Variants in APOB observed in about 807,000 individuals in gnomAD.
APOB encodes apolipoprotein B, also known as apolipoprotein B-100.
Under a neutral mutation model 314.1 loss-of-function variants are expected in APOB, and 153 were observed. That is an observed-to-expected ratio of 0.49 (90% CI 0.43 to 0.56). The LOEUF (loss-of-function observed/expected upper bound fraction) is 0.56. Among genes scored for constraint, APOB ranks in the 20% least tolerant of loss-of-function variants. The probability of loss-of-function intolerance (pLI) is 0.00; values close to 1 mark genes in which losing one functional copy is unlikely to be tolerated. For missense variants in APOB, 5,430 were observed against 5,350.7 expected (o/e 1.01, Z -0.46); for synonymous variants, 2,087 against 2,036.4 (o/e 1.02, Z -0.67).
rs1199666887 is a variant in APOB at position 21,022,918 on chromosome 2, C to T, written c.2729G>A (p.Gly910Asp). 3.1e-6 allele frequency: 5 copies of T among 1,614,170 alleles called. No individual in the cohort carries two copies. Among genetic ancestry groups the T allele is most frequent in the South Asian group, 2.2e-5 (2 of 91,076 alleles). The change falls in exon 18 of 29, where the codon GGT becomes GAT. Residue 910 changes from glycine to aspartate, a missense_variant. This residue lies in a region of APOB where 2,085 missense variants were observed against 2,079.7 expected (regional missense o/e 1.00). Transcript: ENST00000233242. ...QMNTNFFHES[G>D]LEAHVALKAG... ...TTTTAGGGCAACATGAGCCTCCAGA[C>T]CCGACTCGTGGAAGAAGTTGGTGTT...
Position 21,015,101 on chromosome 2 carries a change from A to G in APOB, c.3668T>C (p.Phe1223Ser). The change falls in exon 23 of 29, where the codon TTC (phenylalanine) becomes TCC (serine). Residue 1223 changes from phenylalanine to serine, a missense_variant. This residue lies in a region of APOB where 2,085 missense variants were observed against 2,079.7 expected (regional missense o/e 1.00). Transcript: ENST00000233242. ...TATTAATTTGGAACCCACGTGCCGG[A>G]AAGTCATGTCTGTTTGAGGGACTCT... Reference protein sequence around the residue: ...DHRVPQTDMTFRHVGSKLIVA... With the variant: ...DHRVPQTDMTSRHVGSKLIVA... 1 of 1,614,198 alleles carries G rather than the reference A, an allele frequency of 6.2e-7. No individual in the cohort carries two copies. Among genetic ancestry groups the G allele is most frequent in the Non-Finnish European group, 8.5e-7 (1 of 1,180,038 alleles).
chr2:21,021,034 C>T (rs1663593632), intron 18 of APOB, among the ~76,000 whole-genome samples: 1 of 152,172 alleles, frequency 6.6e-6, no homozygotes, highest in Admixed American at 6.5e-5. Context: ...CTAATGATTC[C>T]CAAATCCATA....
At chr2:21,019,167 G>A (rs1395231362) in intron 19 of APOB, 54 bp from the exon 20 acceptor site, 28 of 1,610,794 alleles carry the variant, frequency 1.7e-5, no homozygotes, top group Non-Finnish European at 2.3e-5. Context: ...CAAGGATGGT[G>A]ATTATGTTCC....
In APOB at chr2:21,011,525, C is replaced by T; in HGVS notation, c.5343G>A (p.Lys1781=). The T allele has an allele frequency of 1.2e-6, 2 of 1,614,084 alleles. No individual in the cohort carries two copies. The highest frequency in any genetic ancestry group is 1.7e-6 in the Non-Finnish European group (2 of 1,179,984). The part of the protein sequence containing the change: ...DNIYSSDKFY[K]QTVNLQLQPY... ...GCTGTAGCTGTAAATTAACAGTTTG[C>T]TTATAAAACTTGTCAGAGCTGTAAA... Residue 1781 remains lysine, a synonymous_variant, in exon 26 of 29, where the codon AAG becomes AAA. Transcript: ENST00000233242.
chr2:21,022,389 A>G (rs1663632423), intron 18 of APOB, among the ~76,000 whole-genome samples: 1 of 152,226 alleles, frequency 6.6e-6, no homozygotes, highest in South Asian at 2.1e-4. Context: ...TTCCATTATC[A>G]CGAGGTTAGG....
rs573308525 is a variant in APOB, at chr2:21,037,144, G to C, written c.649C>G (p.Pro217Ala). ...RDLGQCDRFK[P>A]IRTGISPLAL... ...AGTGGGCTGATGCCTGTGCGGATGG[G>C]CTTGAAGCGATCACACTGCCCCAGG... Residue 217 changes from proline to alanine, a missense_variant, in exon 6 of 29, where the codon CCC (proline) becomes GCC (alanine). Coordinates refer to ENST00000233242, the MANE Select transcript of APOB (RefSeq NM_000384.3). 1.9e-6 allele frequency: 3 copies of C among 1,614,222 alleles called. No individual in the cohort carries two copies. Among genetic ancestry groups the C allele is most frequent in the Non-Finnish European group, 2.5e-6 (3 of 1,180,046 alleles).
Position 21,025,011 on chromosome 2 carries a change from A to G in APOB, c.2358T>C (p.Phe786=). 6.2e-7 allele frequency: 1 copy of G among 1,614,244 alleles called. No homozygotes were observed. Among genetic ancestry groups the G allele is most frequent in the Non-Finnish European group, 8.5e-7 (1 of 1,180,046 alleles). The change falls in exon 16 of 29, where the codon TTT becomes TTC. Residue 786 remains phenylalanine (F), a synonymous_variant. Transcript: ENST00000233242. ...YLRILGEELG[F]ASLHDLQLLG... is the part of the protein sequence containing the mutation. ...GGAGCTGGAGGTCATGGAGACTGGC[A>G]AAACCAAGCTCCTCTCCCAAGATGC...
In APOB at chr2:21,010,841, A is replaced by G. The variant is rs778919415; in HGVS notation, c.6027T>C (p.Leu2009=). The G allele has an allele frequency of 1.4e-5, 23 of 1,614,006 alleles. No homozygotes were observed. In the East Asian group the frequency reaches 4.7e-4, roughly 33 times the overall value. ...TTAGGTCAGCCAGAGTTCGTCCAGT[A>G]AGCTCCACGCCAATTTTATCTTTAG... ...YNTKDKIGVE[L]TGRTLADLTL... The change falls in exon 26 of 29, where the codon CTT becomes CTC. Residue 2009 remains leucine, a synonymous_variant. Transcript: ENST00000233242.
In APOB at chr2:21,004,780, G is replaced by A. The variant is rs72654412; in HGVS notation, c.11789-105C>T. The A allele has an allele frequency of 1.7e-4, 159 of 924,854 alleles. 1 individual carries two copies. The highest frequency in any genetic ancestry group is 2.6e-4 in the Non-Finnish European group (152 of 574,218). The allele number at this position is 924,854 out of a possible 1,614,324, so 57.3% of individuals were successfully genotyped here. On this transcript the variant is annotated intron_variant, in intron 26 of 28. Coordinates refer to ENST00000233242, the MANE Select transcript of APOB (RefSeq NM_000384.3). ...TCTATCCTAACCAGATATTTCACTT[G>A]TGTTTAAAATATGCAATGTACAGCT... is the stretch of plus-strand genomic sequence containing the variant.
In APOB at chr2:21,006,650, C is replaced by T. The variant is rs1663149680; in HGVS notation, c.10218G>A (p.Val3406=). ...ATALSLSNKF[V]EGSHNSTVSL... is the part of the protein sequence containing the mutation. ...TCACAGTACTGTTATGACTACCCTC[C>T]ACAAATTTGTTGCTCAGAGACAGAG... Residue 3406 remains valine, a synonymous_variant, in exon 26 of 29, where the codon GTG becomes GTA. Coordinates refer to ENST00000233242, the MANE Select transcript of APOB (RefSeq NM_000384.3). 6.2e-7 allele frequency: 1 copy of T among 1,613,972 alleles called. No individual in the cohort carries two copies. Among genetic ancestry groups the T allele is most frequent in the Non-Finnish European group, 8.5e-7 (1 of 1,179,980 alleles).
rs1663470792 is a variant in APOB at position 21,016,595 on chromosome 2, G to T, written c.3176C>A (p.Thr1059Asn). 6.2e-7 allele frequency: 1 copy of T among 1,612,236 alleles called. No individual in the cohort carries two copies. Among genetic ancestry groups the T allele is most frequent in the Non-Finnish European group, 8.5e-7 (1 of 1,178,290 alleles). ...MTFKYNRQSM[T>N]LSSEVQIPDF... The stretch of plus-strand genomic sequence containing the variant: ...CGGAATTTGGACTTCACTGGACAAG[G>T]TCATACTCTGCCGATTATATTTGAA... Residue 1059 changes from threonine to asparagine, a missense_variant, in exon 21 of 29, where the codon ACC becomes AAC. Physicochemically the swap from Thr to Asn is moderately conservative, Grantham distance 65 (BLOSUM62 0). Transcript: ENST00000233242.
Position 21,028,501 on chromosome 2 carries a change from G to T in APOB, c.1655C>A (p.Ala552Asp), listed in dbSNP as rs765746519. 7 of 1,613,652 alleles carry T rather than the reference G, an allele frequency of 4.3e-6. No individual in the cohort carries two copies. Among genetic ancestry groups the T allele is most frequent in the Non-Finnish European group, 4.2e-6 (5 of 1,179,960 alleles). Residue 552 changes from alanine to aspartate, a missense_variant, in exon 13 of 29, where the codon GCT becomes GAT. Physicochemically the swap from Ala to Asp is moderately radical, Grantham distance 126 (BLOSUM62 -2). Around this residue, in one of 3 missense-constraint regions of APOB, gnomAD observed 2,085 missense variants for 2,079.7 expected, o/e 1.00. Coordinates refer to ENST00000233242, the MANE Select transcript of APOB (RefSeq NM_000384.3). ...AGCCAGTCGCTTATCTCCCGGAGAA[G>T]CATCATCAAGGAAAGTCTGAAGAAG... ...EVLLQTFLDD[A>D]SPGDKRLAAY...
In APOB at chr2:21,009,020, A is replaced by T; in HGVS notation, c.7848T>A (p.Asp2616Glu). The T allele has an allele frequency of 6.2e-7, 1 of 1,614,080 alleles. No homozygotes were observed. The highest frequency in any genetic ancestry group is 8.5e-7 in the Non-Finnish European group (1 of 1,179,946). Residue 2616 changes from aspartate to glutamate, a missense_variant, in exon 26 of 29, where the codon GAT becomes GAA. Coordinates refer to ENST00000233242, the MANE Select transcript of APOB (RefSeq NM_000384.3). ...ALQKATFQTP[D>E]FIVPLTDLRI... is the part of the protein sequence containing the mutation. ...TCAAATCTGTTAGGGGGACTATAAA[A>T]TCAGGTGTCTGGAAGGTAGCTTTCT...
Position 21,001,682 on chromosome 2 carries a change from G to C in APOB, c.*48C>G. ...AGTTTGAATTTTTTCTGTGCTATGTGAAAGTTCAATTGGAAAAGAAGAATA... is the reference window on the plus strand; with the variant it reads ...AGTTTGAATTTTTTCTGTGCTATGTCAAAGTTCAATTGGAAAAGAAGAATA... On this transcript the variant is annotated 3_prime_UTR_variant, in exon 29 of 29. Coordinates refer to ENST00000233242, the MANE Select transcript of APOB (RefSeq NM_000384.3). The C allele has an allele frequency of 6.3e-7, 1 of 1,594,478 alleles. No homozygotes were observed. Among genetic ancestry groups the C allele is most frequent in the Non-Finnish European group, 8.6e-7 (1 of 1,163,738 alleles).
Position 21,028,474 on chromosome 2 carries a change from G to T in APOB, c.1682C>A (p.Ala561Asp). ...AGGACTCCTCATCAACATAAGATAG[G>T]CAGCCAGTCGCTTATCTCCCGGAGA... ...DASPGDKRLA[A>D]YLMLMRSPSQ... Residue 561 changes from alanine (A) to aspartate (D), a missense_variant, in exon 13 of 29, where the codon GCC (alanine) becomes GAC (aspartate). This residue lies in a region of APOB where 2,085 missense variants were observed against 2,079.7 expected (regional missense o/e 1.00). Coordinates refer to ENST00000233242, the MANE Select transcript of APOB (RefSeq NM_000384.3). 1 of 1,613,930 alleles carries T rather than the reference G, an allele frequency of 6.2e-7. No homozygotes were observed. Among genetic ancestry groups the T allele is most frequent in the Non-Finnish European group, 8.5e-7 (1 of 1,179,952 alleles).
Position 21,028,057 on chromosome 2 carries a change from T to A in APOB, c.1838A>T (p.Lys613Met), listed in dbSNP as rs1266778536. 1 of 1,598,628 alleles carries A rather than the reference T, an allele frequency of 6.3e-7. No homozygotes were observed. The highest frequency in any genetic ancestry group is 1.1e-5 in the South Asian group (1 of 90,598). The change falls in exon 14 of 29, where the codon AAG becomes ATG. Residue 613 changes from lysine (K) to methionine (M), a missense_variant. By Grantham distance (95) the Lys-to-Met change is moderately conservative. Transcript: ENST00000233242. ...SEELDIQDLK[K>M]LVKEALKESQ... is the part of the protein sequence containing the mutation. Reference sequence around the variant, plus strand: ...TTCTTTCAGAGCTTCTTTCACTAACTTTTTCAGACTAGATAAGAAGAAGTA... The same window carrying A: ...TTCTTTCAGAGCTTCTTTCACTAACATTTTCAGACTAGATAAGAAGAAGTA...
In APOB at chr2:21,023,034, A is replaced by C. The variant is rs752620460; in HGVS notation, c.2613T>G (p.Ala871=). 6.2e-7 allele frequency: 1 copy of C among 1,614,158 alleles called. No individual in the cohort carries two copies. Among genetic ancestry groups the C allele is most frequent in the South Asian group, 1.1e-5 (1 of 91,084 alleles). ...GVKLEVANMQ[A]ELVAKPSVSV... ...ACACGGAGGGTTTTGCCACCAGTTC[A>C]GCCTGCATCTATAAGTCAGAAAACA... The change falls in exon 18 of 29, where the codon GCT becomes GCG. Residue 871 remains alanine (A), a synonymous_variant. Transcript: ENST00000233242.
chr2:21,003,580 C>T (rs1663055146), intron 28 of APOB, among the ~76,000 whole-genome samples: 1 of 152,108 alleles, frequency 6.6e-6, no homozygotes. Context: ...TTGTCATTTA[C>T]ATTGTGACAC....
chr2:21,025,214 G>C, intron 15 of APOB, 90 bp from the exon 16 acceptor site: 1 of 1,321,490 alleles, frequency 7.6e-7, no homozygotes, highest in Non-Finnish European at 1.1e-6. Context: ...GATGCAGCCA[G>C]GATGGGCCTA....
Sources: gnomAD v4.1 joint callset for allele counts (sites outside exome capture counted in the v4.1 genomes callset) on GRCh38, gnomAD v4.1.1 for gene constraint, gnomAD v4.1.1 regional missense constraint, MANE v1.5 for transcripts, NCBI Gene and HGNC (gene_info 2026-07-23, HGNC 2026-07-21) for gene names.